The following DTWD2 variants were observed in gnomAD, a reference collection of about 807,000 sequenced individuals.
The protein encoded by DTWD2 is tRNA-uridine aminocarboxypropyltransferase 2.
DTWD2 carries 39 observed loss-of-function variants against 31.8 expected under a neutral mutation model. That is an observed-to-expected ratio of 1.22 (90% confidence interval 0.95 to 1.60). The LOEUF is 1.60. DTWD2 is among the 40% of genes most tolerant of loss of function. The probability of loss-of-function intolerance (pLI) is 0.00; values close to 1 mark genes in which losing one functional copy is unlikely to be tolerated. For missense variants in DTWD2, 515 were observed against 381.5 expected (o/e 1.35, Z -2.92); for synonymous variants, 180 against 142.8 (o/e 1.26, Z -1.86).
intron 1 of DTWD2, among the ~76,000 whole-genome samples, chr5:118,948,810 G>A (rs367745669): frequency 1.3e-5 from 2 of 152,158 alleles, no homozygotes; most frequent in Admixed American, 1.3e-4. Context: ...GGAAAGAGGA[G>A]TGGGGAAAGG....
intron 4 of DTWD2, among the ~76,000 whole-genome samples, chr5:118,873,928 G>A (rs559107036): frequency 6.6e-6 from 1 of 152,250 alleles, no homozygotes; most frequent in African/African-American, 2.4e-5. Flanking sequence ...ATGCCAGCAG[G>A]GAGGCAGGCA....
chr5:118,968,843 T>C (rs1305409434), intron 1 of DTWD2, among the ~76,000 whole-genome samples: 2 of 152,146 alleles, frequency 1.3e-5, no homozygotes, highest in African/African-American at 4.8e-5. Flanking sequence ...CAGGCCCCAC[T>C]CCCATGGCAC....
chr5:118,911,877 T>C (rs1259199058), intron 4 of DTWD2, among the ~76,000 whole-genome samples: 1 of 152,140 alleles, frequency 6.6e-6, no homozygotes, highest in African/African-American at 2.4e-5. Context: ...CAAATTTCTA[T>C]CCCTACTCAG....
In DTWD2 at chr5:118,935,486, T is replaced by C. The variant is rs185438985; in HGVS notation, c.404+3710A>G. 3.9e-5 allele frequency among the ~76,000 whole-genome samples: 6 copies of C among 152,260 alleles called. No homozygotes were observed. The East Asian group carries it at 1.2e-3, about 29-fold the overall frequency. On this transcript the variant is annotated intron_variant, in intron 3 of 5. Transcript: ENST00000510708. Reference sequence around the variant, plus strand: ...AGAATTGAACTGGAAGACACCCAACTAGTATTATTGCAAAATTGACTGCTT... The same window carrying C: ...AGAATTGAACTGGAAGACACCCAACCAGTATTATTGCAAAATTGACTGCTT...
intron 4 of DTWD2, among the ~76,000 whole-genome samples, chr5:118,869,810 A>T (rs1386373291): frequency 6.6e-6 from 1 of 152,142 alleles, no homozygotes; most frequent in Non-Finnish European, 1.5e-5. Flanking sequence ...TACGGCCTGG[A>T]TGTGTGTCTC....
intron 4 of DTWD2, among the ~76,000 whole-genome samples, chr5:118,863,349 T>C (rs1364982111): frequency 6.6e-6 from 1 of 152,230 alleles, no homozygotes. Context: ...CTTTCCACTG[T>C]GCATTCTATC....
chr5:118,943,781 A>C (rs1044246523), intron 2 of DTWD2, among the ~76,000 whole-genome samples: 32 of 152,292 alleles, frequency 2.1e-4, no homozygotes, highest in Admixed American at 1.4e-3. Context: ...AAGAAAGAAA[A>C]GATTAATTTC....
chr5:118,916,296 A>T (rs561163732), intron 4 of DTWD2, among the ~76,000 whole-genome samples: 4 of 152,262 alleles, frequency 2.6e-5, no homozygotes, highest in Admixed American at 6.5e-5. Context: ...GTCCATGATT[A>T]TTTTTTTGTT....
intron 1 of DTWD2, among the ~76,000 whole-genome samples, chr5:118,958,873 A>G (rs1754647971): frequency 6.6e-6 from 1 of 152,224 alleles, no homozygotes; most frequent in Non-Finnish European, 1.5e-5. Flanking sequence ...ATAGATGCAG[A>G]AAAGGCTTTC....
intron 4 of DTWD2, among the ~76,000 whole-genome samples, chr5:118,897,794 T>C (rs988290688): frequency 2.0e-5 from 3 of 152,214 alleles, no homozygotes; most frequent in African/African-American, 7.2e-5. Context: ...GTAAAACAAA[T>C]GTACTATGTA....
At chr5:118,848,623 AAAGGCTAC>A (rs1365244408) in intron 4 of DTWD2, among the ~76,000 whole-genome samples, 19 of 152,042 alleles carry the variant, frequency 1.2e-4, no homozygotes, top group Admixed American at 5.9e-4. Context: ...CTAAAATCAA[AAAGGCTAC>A]AAGGCTACAG....
At position 118,988,093 on chromosome 5, in the gene DTWD2, G is replaced by C. The variant is rs747843463; in HGVS notation, c.218+201C>G. The C allele has an allele frequency of 4.1e-6, 3 of 731,226 alleles. No individual in the cohort carries two copies. The African/African-American group carries it at 5.2e-5, about 13-fold the overall frequency. 45.3% of individuals were successfully genotyped at this position (731,226 alleles called of 1,614,324 possible). ...CGCTCAGCATATTGCAGGAAGTAAGGTTAGATAATCATGAACCTGGAAAAA... is the reference window on the plus strand; with the variant it reads ...CGCTCAGCATATTGCAGGAAGTAAGCTTAGATAATCATGAACCTGGAAAAA... On this transcript the variant is annotated intron_variant, in intron 1 of 5. Transcript: ENST00000510708.
chr5:118,982,719 C>T (rs1260893658), intron 1 of DTWD2, among the ~76,000 whole-genome samples: 17 of 109,220 alleles, frequency 1.6e-4, no homozygotes, highest in African/African-American at 4.0e-4. Context: ...GACGGAGTTT[C>T]GCTCTGTCGC....
At chr5:118,932,304 C>G (rs1157627443) in intron 3 of DTWD2, among the ~76,000 whole-genome samples, 1 of 146,774 alleles carries the variant, frequency 6.8e-6, no homozygotes, top group African/African-American at 2.5e-5. Flanking sequence ...TAGCAAGACT[C>G]TGTCTTGACA....
At chr5:118,942,318 G>A (rs1251753445) in intron 2 of DTWD2, among the ~76,000 whole-genome samples, 1 of 152,058 alleles carries the variant, frequency 6.6e-6, no homozygotes, top group Non-Finnish European at 1.5e-5. Context: ...AGACCTGCCT[G>A]GGCAATATAG....
At chr5:118,950,736 T>C (rs1754445894) in intron 1 of DTWD2, among the ~76,000 whole-genome samples, 1 of 152,204 alleles carries the variant, frequency 6.6e-6, no homozygotes, top group African/African-American at 2.4e-5. Flanking sequence ...GTTTTGAAGT[T>C]CTTCTGTGCT....
At chr5:118,941,357 T>C (rs1032059060) in intron 2 of DTWD2, among the ~76,000 whole-genome samples, 5 of 152,252 alleles carry the variant, frequency 3.3e-5, no homozygotes, top group South Asian at 4.2e-4. Context: ...CCCCGGTGTG[T>C]GATGTTCCCC....
chr5:118,922,289 T>G (rs2149575874), intron 4 of DTWD2, among the ~76,000 whole-genome samples: 1 of 152,298 alleles, frequency 6.6e-6, no homozygotes, highest in East Asian at 1.9e-4. Context: ...AGTTACTGAT[T>G]AGGAGGGCGA....
intron 1 of DTWD2, 89 bp downstream of exon 1, chr5:118,988,205 C>T: frequency 6.7e-7 from 1 of 1,493,978 alleles, no homozygotes; most frequent in African/African-American, 1.4e-5. Context: ...GCAGAGCTGC[C>T]CGAGCCGCCG....
Sources: gnomAD v4.1 joint callset for allele counts (sites outside exome capture counted in the v4.1 genomes callset) on GRCh38, gnomAD v4.1.1 for gene constraint, MANE v1.5 for transcripts, NCBI Gene and HGNC (gene_info 2026-07-23, HGNC 2026-07-21) for gene names.